The following MICAL2 variants were observed in gnomAD, a reference collection of about 807,000 sequenced individuals.
MICAL2 encodes the protein [F-actin]-monooxygenase MICAL2.
MICAL2 carries 77 observed loss-of-function variants against 127.3 expected under a neutral mutation model. That is an observed-to-expected ratio of 0.60 (90% CI 0.50 to 0.73). The LOEUF is 0.73. Among genes scored for constraint, MICAL2 ranks in the 30% least tolerant of loss-of-function variants. MICAL2 has a pLI of 0.00. For synonymous variants in MICAL2, 570 were observed against 551.1 expected (o/e 1.03, Z -0.48); for missense variants, 1,351 against 1,434.4 (o/e 0.94, Z 0.94).
At chr11:12,330,026 G>A (rs1282121722) in intron 32 of MICAL2, among the ~76,000 whole-genome samples, 1 of 152,060 alleles carries the variant, frequency 6.6e-6, no homozygotes, top group Non-Finnish European at 1.5e-5. Flanking sequence ...TTAAGTTTAT[G>A]GGCCTTTTTC....
intron 22 of MICAL2, chr11:12,254,361 A>G (rs899962383): frequency 1.3e-5 from 2 of 152,256 alleles, no homozygotes; most frequent in Admixed American, 6.5e-5. Flanking sequence ...CTTTACGCCA[A>G]GTCTCAGCAC....
intron 21 of MICAL2, among the ~76,000 whole-genome samples, chr11:12,245,394 G>A (rs1035896068): frequency 3.0e-4 from 45 of 152,346 alleles, no homozygotes; most frequent in African/African-American, 1.0e-3. Context: ...AAAATTAGAA[G>A]CTGCCCCTTG....
At chr11:12,352,924 G>A (rs1363464621) in intron 33 of MICAL2, among the ~76,000 whole-genome samples, 1 of 152,206 alleles carries the variant, frequency 6.6e-6, no homozygotes, top group Non-Finnish European at 1.5e-5. Context: ...GGCAGGAACG[G>A]GGCAACTGCA....
At chr11:12,304,358 C>T (rs775165870) in intron 29 of MICAL2, among the ~76,000 whole-genome samples, 14 of 152,050 alleles carry the variant, frequency 9.2e-5, no homozygotes, top group Admixed American at 3.3e-4. Context: ...CAGCCAGGCA[C>T]GGTGGCTTAC....
At chr11:12,120,954 G>A (rs1850458565) in intron 1 of MICAL2, among the ~76,000 whole-genome samples, 1 of 152,202 alleles carries the variant, frequency 6.6e-6, no homozygotes, top group South Asian at 2.1e-4. Context: ...CAGGGTGGGG[G>A]GCAGTAAGGC....
chr11:12,255,803 A>G (rs1456979590), intron 23 of MICAL2, 53 bp downstream of exon 23: 2 of 1,472,520 alleles, frequency 1.4e-6, no homozygotes, highest in African/African-American at 1.4e-5. Context: ...CTGGCATCCC[A>G]GGGCGGGCAC....
At chr11:12,151,329 C>A (rs11605028) in intron 2 of MICAL2, among the ~76,000 whole-genome samples, 1 of 152,080 alleles carries the variant, frequency 6.6e-6, no homozygotes, top group Non-Finnish European at 1.5e-5. Context: ...TGTAAAATGA[C>A]GGACCCGGTT....
downstream of MICAL2, chr11:12,294,891 T>G: frequency 7.0e-7 from 1 of 1,435,686 alleles, no homozygotes; most frequent in Non-Finnish European, 9.1e-7. Context: ...TGTCTGCCCT[T>G]CATGCTGGGC....
chr11:12,241,849 A>G (rs190569852), intron 18 of MICAL2, among the ~76,000 whole-genome samples: 1 of 152,238 alleles, frequency 6.6e-6, no homozygotes, highest in Non-Finnish European at 1.5e-5. Flanking sequence ...CTTTTAAAAA[A>G]CTACCAATGT....
chr11:12,302,434 C>T (rs918258897), intron 29 of MICAL2, among the ~76,000 whole-genome samples: 5 of 152,162 alleles, frequency 3.3e-5, no homozygotes, highest in Admixed American at 6.6e-5. Flanking sequence ...ATAGTCTCAG[C>T]TTTGTTTTGT....
At chr11:12,111,256 AGCCCAGTCGGG>A (rs1362258686) in intron 1 of MICAL2, among the ~76,000 whole-genome samples, 1 of 151,930 alleles carries the variant, frequency 6.6e-6, no homozygotes, top group Non-Finnish European at 1.5e-5. Flanking sequence ...CGCGGGCTGG[AGCCCAGTCGGG>A]ATGGGGTCGT....
intron 3 of MICAL2, among the ~76,000 whole-genome samples, chr11:12,169,649 G>A (rs2133865172): frequency 6.6e-6 from 1 of 152,330 alleles, no homozygotes; most frequent in East Asian, 1.9e-4. Flanking sequence ...CTCCCAAAGT[G>A]CTGGAATTAC....
At chr11:12,126,411 G>A (rs1196895760) in intron 1 of MICAL2, among the ~76,000 whole-genome samples, 2 of 152,100 alleles carry the variant, frequency 1.3e-5, no homozygotes, top group African/African-American at 4.8e-5. Context: ...GATTAGAATA[G>A]GTCTAACATC....
At chr11:12,343,608 G>T (rs1410416982) in intron 32 of MICAL2, among the ~76,000 whole-genome samples, 1 of 152,108 alleles carries the variant, frequency 6.6e-6, no homozygotes, top group Non-Finnish European at 1.5e-5. Context: ...CCGGATAAAA[G>T]TCTAGCTAGA....
chr11:12,247,086 G>A (rs1860858751), intron 21 of MICAL2, among the ~76,000 whole-genome samples: 2 of 152,190 alleles, frequency 1.3e-5, no homozygotes, highest in South Asian at 2.1e-4. Flanking sequence ...CAGGTAAGAA[G>A]GCAAAGGCTC....
chr11:12,207,367 A>G (rs2062439), intron 4 of MICAL2, among the ~76,000 whole-genome samples: 15,004 of 152,340 alleles, frequency 0.098, 872 homozygotes, highest in Admixed American at 0.16. Context: ...AAGGGCCCAC[A>G]GAAAGTTTAA....
downstream of MICAL2, chr11:12,294,519 C>T: frequency 6.2e-7 from 1 of 1,614,096 alleles, no homozygotes; most frequent in South Asian, 1.1e-5. Flanking sequence ...AGGTCCCCAC[C>T]CTGCAGCAAG....
chr11:12,289,342 G>A (rs554659223), downstream of MICAL2, among the ~76,000 whole-genome samples: 1 of 152,344 alleles, frequency 6.6e-6, no homozygotes, highest in South Asian at 2.1e-4. Context: ...GCCAGCAGAG[G>A]GGGATGTGAG....
In MICAL2 at chr11:12,338,639, G is replaced by T. The variant is rs1565309601; in HGVS notation, c.5516-11199G>T. 2.6e-5 allele frequency among the ~76,000 whole-genome samples: 4 copies of T among 152,274 alleles called. No homozygotes were observed. The South Asian group carries it at 8.3e-4, about 32-fold the overall frequency. On this transcript the variant is annotated intron_variant, in intron 32 of 34. Transcript: ENST00000646065. ...AGTGCTTCCTTCAGGAGCTCTTTTAGGGCAGGCCTTGTGGTGACAAAATCT... is the reference window on the plus strand; with the variant it reads ...AGTGCTTCCTTCAGGAGCTCTTTTATGGCAGGCCTTGTGGTGACAAAATCT...
Sources: allele counts gnomAD v4.1 joint callset (sites outside exome capture counted in the v4.1 genomes callset), GRCh38; gene constraint gnomAD v4.1.1; transcripts MANE v1.5; gene names NCBI Gene and HGNC (gene_info 2026-07-23, HGNC 2026-07-21).